NBPF15: variants seen among roughly 807,000 people sequenced by gnomAD.
The protein encoded by NBPF15 is NBPF family member NBPF15.
A neutral mutation model predicts 62.2 loss-of-function variants in NBPF15; 74 were observed. The observed-to-expected ratio is 1.19, with a 90% confidence interval of 0.99 to 1.44. NBPF15 has a LOEUF of 1.44. Ranked by LOEUF, NBPF15 falls within the 40% of genes most tolerant of loss-of-function variation. NBPF15 has a pLI of 0.00. For synonymous variants in NBPF15, 244 were observed against 209.7 expected, an observed-to-expected ratio of 1.16 and a Z score of -1.41; for missense variants, 790 against 550.0, an observed-to-expected ratio of 1.44 and a Z score of -4.36.
Position 144,424,665 on chromosome 1 carries a change from A to C in NBPF15, c.1663+25T>G, listed in dbSNP as rs1373990975. ...TATATGGAAGACTCAGTGGATCCTT[A>C]TCACCTTCATAGAAAGGTACTCACC... On this transcript the variant is annotated intron_variant, in intron 20 of 21. Coordinates refer to ENST00000581897, the MANE Select transcript of NBPF15 (RefSeq NM_001385408.1). The C allele has an allele frequency of 4.7e-6, 3 of 638,698 alleles. No individual in the cohort carries two copies. The African/African-American group carries it at 5.6e-5, about 12-fold the overall frequency. 39.6% of individuals were successfully genotyped at this position (638,698 alleles called of 1,614,324 possible).
In NBPF15 at chr1:144,451,859, T is replaced by G. The variant is rs1343946755; in HGVS notation, c.-431-989A>C. Among the ~76,000 whole-genome samples the G allele has an allele frequency of 5.3e-5, 8 of 151,454 alleles. 1 individual carries two copies. Among genetic ancestry groups the G allele is most frequent in the Non-Finnish European group, 1.2e-4 (8 of 67,964 alleles). On this transcript the variant is annotated intron_variant, in intron 4 of 21. Coordinates refer to ENST00000581897, the MANE Select transcript of NBPF15 (RefSeq NM_001385408.1). ...GTAACAATCTGATATCTCTTTCTTT[T>G]CCCCACAGTTCAGGTCAGGCCGTGG...
In NBPF15 at chr1:144,427,935, C is replaced by A. The variant is rs1553539611; in HGVS notation, c.1096G>T (p.Asp366Tyr). 1.3e-6 allele frequency: 1 copy of A among 765,938 alleles called. No individual in the cohort carries two copies. Among genetic ancestry groups the A allele is most frequent in the Non-Finnish European group, 2.4e-6 (1 of 414,782 alleles). 47.4% of individuals were successfully genotyped at this position (765,938 alleles called of 1,614,324 possible). The change falls in exon 16 of 22, where the codon GAT becomes TAT. Residue 366 changes from aspartate to tyrosine, a missense_variant. Asp to Tyr is a radical substitution (Grantham distance 160, BLOSUM62 -3). Transcript: ENST00000581897. The part of the protein sequence containing the change: ...KEPEVLQDSL[D>Y]RCYSTPSGCL... ...CCTGAAGGAGTTGAATAACATCTATCCAGTGAGTCCTGCAAGACTTCAGGC... is the reference window on the plus strand; with the variant it reads ...CCTGAAGGAGTTGAATAACATCTATACAGTGAGTCCTGCAAGACTTCAGGC...
chr1:144,443,995 C>A (rs1685397239), intron 6 of NBPF15, among the ~76,000 whole-genome samples: 1 of 151,810 alleles, frequency 6.6e-6, no homozygotes. Context: ...TGAAATGATA[C>A]CTGTGTTCTT....
chr1:144,432,379 G>T (rs868990432), intron 13 of NBPF15, among the ~76,000 whole-genome samples: 1 of 151,892 alleles, frequency 6.6e-6, no homozygotes, highest in Non-Finnish European at 1.5e-5. Flanking sequence ...GACCATTGAC[G>T]CTAGGAAGAA....
At chr1:144,445,204 T>C (rs1292369604) in intron 6 of NBPF15, among the ~76,000 whole-genome samples, 2 of 149,682 alleles carry the variant, frequency 1.3e-5, no homozygotes, top group Non-Finnish European at 1.5e-5. Context: ...ATTGTTTCAA[T>C]GTGCTGTTTA....
intron 4 of NBPF15, among the ~76,000 whole-genome samples, chr1:144,452,244 T>A (rs1240424739): frequency 8.5e-5 from 13 of 152,182 alleles, no homozygotes; most frequent in Non-Finnish European, 1.3e-4. Context: ...AGTAGATTTT[T>A]AAAAATTCTT....
chr1:144,447,490 C>A (rs1553544498), intron 6 of NBPF15, among the ~76,000 whole-genome samples: 1 of 151,828 alleles, frequency 6.6e-6, no homozygotes, highest in South Asian at 2.1e-4. Context: ...TCGGGTGCCC[C>A]CAATGCTAAA....
At chr1:144,455,013 AAAAG>A (rs1257200257) in intron 4 of NBPF15, among the ~76,000 whole-genome samples, 1 of 151,516 alleles carries the variant, frequency 6.6e-6, no homozygotes, top group Non-Finnish European at 1.5e-5. Context: ...AAAGGAAAGA[AAAAG>A]AGAGAGCATG....
At chr1:144,427,387 A>T (rs1333716445) in intron 16 of NBPF15, among the ~76,000 whole-genome samples, 1 of 137,442 alleles carries the variant, frequency 7.3e-6, no homozygotes. Flanking sequence ...ATTTAAAGCA[A>T]ATGCCCCCAA....
intron 10 of NBPF15, among the ~76,000 whole-genome samples, chr1:144,436,294 C>A (rs1170010462): frequency 2.0e-5 from 3 of 152,018 alleles, no homozygotes; most frequent in Non-Finnish European, 4.4e-5. Flanking sequence ...GTGGCTTCTG[C>A]TGTGTTATTC....
rs782560379 is a variant in NBPF15, at chr1:144,455,178, AG to A, written c.-432+1358del. On this transcript the variant is annotated intron_variant, in intron 4 of 21. Transcript: ENST00000581897. ...GAGGAAGGCAGGGAGGGAGAGAGGA[AG>A]GGAGGAAGAAAGGAAGGGAGGGAAG... Among the ~76,000 whole-genome samples the A allele has an allele frequency of 2.1e-3, 309 of 146,130 alleles. 1 individual carries two copies. The highest frequency in any genetic ancestry group is 9.4e-3 in the South Asian group (40 of 4,238).
intron 13 of NBPF15, among the ~76,000 whole-genome samples, chr1:144,430,101 AG>A (rs1234664829): frequency 2.0e-5 from 3 of 151,270 alleles, no homozygotes; most frequent in Non-Finnish European, 4.4e-5. Flanking sequence ...GAGCCAACTC[AG>A]GGCACCCAGA....
chr1:144,451,371 A>C (rs1445962476), intron 4 of NBPF15, among the ~76,000 whole-genome samples: 3 of 151,228 alleles, frequency 2.0e-5, no homozygotes, highest in African/African-American at 7.3e-5. Context: ...AGCAGGAGAC[A>C]GATGCCTTCC....
intron 10 of NBPF15, among the ~76,000 whole-genome samples, chr1:144,436,294 CTG>C (rs1678268804): frequency 6.6e-6 from 1 of 152,018 alleles, no homozygotes; most frequent in African/African-American, 2.4e-5. Context: ...GTGGCTTCTG[CTG>C]TGTTATTCAG....
At chr1:144,442,204 T>TATAA (rs1683777320) in intron 6 of NBPF15, among the ~76,000 whole-genome samples, 4 of 100,682 alleles carry the variant, frequency 4.0e-5, no homozygotes, top group African/African-American at 2.2e-4. Flanking sequence ...TGTATATATA[T>TATAA]TATTAATATA....
In NBPF15 at chr1:144,448,554, C is replaced by T. The variant is rs1392253067; in HGVS notation, c.-191+221G>A. On this transcript the variant is annotated intron_variant, in intron 6 of 21. Transcript: ENST00000581897. ...TATTTTGCAATAAAACCTTAAGATGCATTAAATTTAAGCCTAATGCAATAA... is the reference window on the plus strand; with the variant it reads ...TATTTTGCAATAAAACCTTAAGATGTATTAAATTTAAGCCTAATGCAATAA... 3.3e-5 allele frequency among the ~76,000 whole-genome samples: 5 copies of T among 151,998 alleles called. No homozygotes were observed. In the East Asian group the frequency reaches 7.7e-4, roughly 23 times the overall value.
At chr1:144,453,765 C>T (rs1161277787) in intron 4 of NBPF15, among the ~76,000 whole-genome samples, 3 of 136,564 alleles carry the variant, frequency 2.2e-5, no homozygotes, top group African/African-American at 8.2e-5. Flanking sequence ...CACATTAAAA[C>T]AACGAGATAT....
chr1:144,456,052 G>T (rs587665179), intron 4 of NBPF15, among the ~76,000 whole-genome samples: 142 of 151,940 alleles, frequency 9.3e-4, no homozygotes, highest in African/African-American at 3.4e-3. Context: ...CCCCATCCTG[G>T]ACACATCTAG....
intron 12 of NBPF15, among the ~76,000 whole-genome samples, chr1:144,434,512 A>AAG (rs1310695498): frequency 7.7e-5 from 11 of 142,924 alleles, no homozygotes; most frequent in African/African-American, 2.9e-4. Context: ...AAAAAAAAAA[A>AAG]AAAAAAAAAT....
Sources: allele counts gnomAD v4.1 joint callset (sites outside exome capture counted in the v4.1 genomes callset), GRCh38; gene constraint gnomAD v4.1.1; transcripts MANE v1.5; gene names NCBI Gene and HGNC (gene_info 2026-07-23, HGNC 2026-07-21).